The following ZMAT3 variants were observed in gnomAD, a reference collection of about 807,000 sequenced individuals.
The protein encoded by ZMAT3 is zinc finger matrin-type 3, also known as zinc finger matrin-type protein 3.
Under a neutral mutation model 32.3 loss-of-function variants are expected in ZMAT3, and 17 were observed. The observed-to-expected ratio is 0.53, with a 90% CI of 0.36 to 0.79. ZMAT3 has a LOEUF of 0.79. Among genes scored for constraint, ZMAT3 ranks in the 30% least tolerant of loss-of-function variants. The pLI, the probability that ZMAT3 is intolerant of heterozygous loss-of-function variation, is 0.00. For missense variants in ZMAT3, 329 were observed against 359.7 expected (o/e 0.91, Z 0.69); for synonymous variants, 120 against 133.1 (o/e 0.90, Z 0.68).
At chr3:179,025,270 A>T in intron 5 of ZMAT3, 42 bp from the exon 6 acceptor site, 1 of 1,469,620 alleles carries the variant, frequency 6.8e-7, no homozygotes, top group Non-Finnish European at 9.3e-7. Flanking sequence ...AATATTCATT[A>T]AGTGAATGAC....
chr3:179,052,766 A>G (rs1409760631), intron 2 of ZMAT3, among the ~76,000 whole-genome samples: 1 of 152,238 alleles, frequency 6.6e-6, no homozygotes, highest in African/African-American at 2.4e-5. Context: ...GATAAAGAAA[A>G]TGTGGCACAT....
Position 179,027,456 on chromosome 3 carries a change from T to C in ZMAT3, c.625A>G (p.Arg209Gly). 1 of 1,614,240 alleles carries C rather than the reference T, an allele frequency of 6.2e-7. No individual in the cohort carries two copies. Among genetic ancestry groups the C allele is most frequent in the Non-Finnish European group, 8.5e-7 (1 of 1,180,038 alleles). The change falls in exon 5 of 6, where the codon AGG becomes GGG. Residue 209 changes from arginine (R) to glycine (G), a missense_variant. By Grantham distance (125) the Arg-to-Gly change is moderately radical (BLOSUM62 -2). Coordinates refer to ENST00000311417, the MANE Select transcript of ZMAT3 (RefSeq NM_022470.4). ...EGNEFKMMPNRRNMYTVQNNS... is the reference protein window; with the variant it reads ...EGNEFKMMPNGRNMYTVQNNS... ...TTCTGTACTGTATACATATTTCTCC[T>C]GTTAGGCATCATCTTAAACTCATTC...
At position 179,023,790 on chromosome 3, in the gene ZMAT3, G is replaced by A. The variant is rs1383032632; in HGVS notation, c.*1227C>T. The A allele has an allele frequency of 8.1e-6, 1 of 123,590 alleles. No homozygotes were observed. Among genetic ancestry groups the A allele is most frequent in the South Asian group, 2.8e-4 (1 of 3,630 alleles). 7.7% of individuals were successfully genotyped at this position (123,590 alleles called of 1,614,324 possible). On this transcript the variant is annotated 3_prime_UTR_variant, in exon 6 of 6. Coordinates refer to ENST00000311417, the MANE Select transcript of ZMAT3 (RefSeq NM_022470.4). ...GGCTGGAGTGCAGTGGCGCGATCTC[G>A]GCTCACTGCAAGCTCCGCCTCCCGG... is the stretch of plus-strand genomic sequence containing the variant.
At chr3:179,047,036 G>A (rs971111341) in intron 2 of ZMAT3, among the ~76,000 whole-genome samples, 1 of 152,156 alleles carries the variant, frequency 6.6e-6, no homozygotes, top group African/African-American at 2.4e-5. Context: ...CCTCCTGGCT[G>A]GAGACCAACC....
In ZMAT3 at chr3:179,021,019, C is replaced by T. The variant is rs974034228; in HGVS notation, c.*3998G>A. 1.3e-5 allele frequency: 2 copies of T among 152,146 alleles called. No individual in the cohort carries two copies. Among genetic ancestry groups the T allele is most frequent in the Non-Finnish European group, 2.9e-5 (2 of 68,020 alleles). The allele number at this position is 152,146 out of a possible 1,614,324, so 9.4% of individuals were successfully genotyped here. On this transcript the variant is annotated 3_prime_UTR_variant, in exon 6 of 6. Coordinates refer to ENST00000311417, the MANE Select transcript of ZMAT3 (RefSeq NM_022470.4). ...GGAATGTAAGGATGATGTCAAATAGCCACGATTCTTCTTTTAAACTCAGGG... is the reference window on the plus strand; with the variant it reads ...GGAATGTAAGGATGATGTCAAATAGTCACGATTCTTCTTTTAAACTCAGGG...
intron 2 of ZMAT3, among the ~76,000 whole-genome samples, chr3:179,039,955 G>A (rs773795947): frequency 6.6e-6 from 1 of 152,114 alleles, no homozygotes; most frequent in African/African-American, 2.4e-5. Context: ...TAGCCAATTC[G>A]ATCTAGTGGA....
At chr3:179,064,057 A>G (rs1207340873) in intron 2 of ZMAT3, among the ~76,000 whole-genome samples, 4 of 152,254 alleles carry the variant, frequency 2.6e-5, no homozygotes, top group Non-Finnish European at 4.4e-5. Flanking sequence ...GTCCTGGATT[A>G]CTGGCACATG....
intron 2 of ZMAT3, among the ~76,000 whole-genome samples, chr3:179,063,470 T>G (rs925882466): frequency 2.6e-5 from 4 of 152,252 alleles, no homozygotes; most frequent in Non-Finnish European, 5.9e-5. Flanking sequence ...GGCCACTAAC[T>G]ATTACAAATA....
intron 2 of ZMAT3, among the ~76,000 whole-genome samples, chr3:179,042,539 ACT>A (rs1212870921): frequency 6.6e-6 from 1 of 152,202 alleles, no homozygotes; most frequent in African/African-American, 2.4e-5. Flanking sequence ...CATGCCAAAA[ACT>A]CTCAATAAAT....
At chr3:179,047,837 T>A (rs751546229) in intron 2 of ZMAT3, among the ~76,000 whole-genome samples, 4 of 151,052 alleles carry the variant, frequency 2.6e-5, no homozygotes, top group Admixed American at 6.6e-5. Flanking sequence ...CCAGCCTGGG[T>A]GACAGAGTAA....
At chr3:179,058,037 G>A (rs538389244) in intron 2 of ZMAT3, among the ~76,000 whole-genome samples, 15 of 152,316 alleles carry the variant, frequency 9.8e-5, no homozygotes, top group South Asian at 8.3e-4. Context: ...ACACAGGTCC[G>A]AGGGATGAGC....
rs1719146562 is a variant in ZMAT3, at chr3:179,030,899, A to G, written c.371T>C (p.Val124Ala). ...TCTCACCTGCGGAGGGACTGGAACA[A>G]CTGGAGTAGCTGCAGGCTCGACCAC... ...SNVVEPAATP[V>A]VPVPPQMGSF... is the part of the protein sequence containing the mutation. Residue 124 changes from valine (V) to alanine (A), a missense_variant, in exon 3 of 6, where the codon GTT becomes GCT. Val to Ala is a moderately conservative substitution (Grantham distance 64). Coordinates refer to ENST00000311417, the MANE Select transcript of ZMAT3 (RefSeq NM_022470.4). 2 of 1,613,568 alleles carry G rather than the reference A, an allele frequency of 1.2e-6. No individual in the cohort carries two copies. The highest frequency in any genetic ancestry group is 2.7e-5 in the African/African-American group (2 of 74,904).
rs1460705234 is a variant in ZMAT3, at chr3:179,067,608, C to T, written c.145G>A (p.Gly49Arg). The change falls in exon 2 of 6, where the codon GGG (glycine) becomes AGG (arginine). Residue 49 changes from glycine (G) to arginine (R), a missense_variant. By Grantham distance (125) the Gly-to-Arg change is moderately radical (BLOSUM62 -2). Transcript: ENST00000311417. Reference protein sequence around the residue: ...FGQEASLPLAGEEELSKGGEQ... With the variant: ...FGQEASLPLAREEELSKGGEQ... ...CCTCCCTTCGATAACTCTTCTTCCC[C>T]TGCAAGAGGCAAGGAAGCCTCCTGC... 1 of 1,614,102 alleles carries T rather than the reference C, an allele frequency of 6.2e-7. No homozygotes were observed. Among genetic ancestry groups the T allele is most frequent in the African/African-American group, 1.3e-5 (1 of 74,932 alleles).
intron 2 of ZMAT3, among the ~76,000 whole-genome samples, chr3:179,033,163 C>A (rs1396240840): frequency 6.6e-6 from 1 of 152,234 alleles, no homozygotes; most frequent in African/African-American, 2.4e-5. Flanking sequence ...CTGCCTTGGG[C>A]TGCTGTTAAT....
chr3:179,064,510 G>T (rs1269521193), intron 2 of ZMAT3, among the ~76,000 whole-genome samples: 4 of 152,114 alleles, frequency 2.6e-5, no homozygotes, highest in African/African-American at 9.7e-5. Context: ...GCTCACTGCT[G>T]CCTCAATCTC....
intron 2 of ZMAT3, among the ~76,000 whole-genome samples, chr3:179,038,850 T>C (rs1043474332): frequency 6.6e-6 from 1 of 152,200 alleles, no homozygotes; most frequent in African/African-American, 2.4e-5. Context: ...ACAGGACACT[T>C]CTGCCCAAAT....
intron 2 of ZMAT3, among the ~76,000 whole-genome samples, chr3:179,061,955 T>C (rs1721172290): frequency 6.6e-6 from 1 of 151,976 alleles, no homozygotes; most frequent in Non-Finnish European, 1.5e-5. Context: ...AGTAAAACTA[T>C]AGCCAGCTCA....
At chr3:179,069,482 T>C (rs1560101750) in intron 1 of ZMAT3, among the ~76,000 whole-genome samples, 1 of 152,204 alleles carries the variant, frequency 6.6e-6, no homozygotes, top group Non-Finnish European at 1.5e-5. Flanking sequence ...TACAGTATTA[T>C]TAAAACCTCT....
rs1307862100 is a variant in ZMAT3, at chr3:179,055,475, T to TCCC, written c.270+12005_270+12007dup. Reference sequence around the variant, plus strand: ...CAGAGTCCACCTCCCTACCCCAGCGTCCCCTCCCCGACTCCTTCCTCAACT... The same window carrying TCCC: ...CAGAGTCCACCTCCCTACCCCAGCGTCCCCCCCTCCCCGACTCCTTCCTCAACT... On this transcript the variant is annotated intron_variant, in intron 2 of 5. Transcript: ENST00000311417. 1.1e-3 allele frequency among the ~76,000 whole-genome samples: 160 copies of TCCC among 139,774 alleles called. 2 individuals carry two copies. Among genetic ancestry groups the TCCC allele is most frequent in the African/African-American group, 3.9e-3 (148 of 37,562 alleles). 91.7% of individuals were successfully genotyped at this position (139,774 alleles called of 152,430 possible). A position where few individuals can be genotyped will look rare whatever the true frequency, so the allele number is the denominator to read the frequency against.
Sources: allele counts gnomAD v4.1 joint callset (sites outside exome capture counted in the v4.1 genomes callset), GRCh38; gene constraint gnomAD v4.1.1; transcripts MANE v1.5; gene names NCBI Gene and HGNC (gene_info 2026-07-23, HGNC 2026-07-21).